RFX3: variants seen among roughly 807,000 people sequenced by gnomAD.
RFX3 encodes regulatory factor X3.
In RFX3, 14 loss-of-function variants were observed where a neutral mutation model predicts 98.6. That is an observed-to-expected ratio of 0.14 (90% CI 0.09 to 0.22). The LOEUF is 0.22. RFX3 is among the 10% of genes least tolerant of loss of function. The pLI is 1.00. For missense variants in RFX3, 639 were observed against 926.9 expected, an observed-to-expected ratio of 0.69 and a Z score of 4.03; for synonymous variants, 383 against 328.4, an observed-to-expected ratio of 1.17 and a Z score of -1.80.
chr9:3,506,699 TAGAGA>T (rs1034784815), intron 1 of RFX3, among the ~76,000 whole-genome samples: 7 of 151,654 alleles, frequency 4.6e-5, no homozygotes, highest in African/African-American at 1.7e-4. Context: ...ATTTCACATA[TAGAGA>T]AATGTATATA....
chr9:3,418,719 G>A (rs1401381140), intron 1 of RFX3, among the ~76,000 whole-genome samples: 4 of 152,024 alleles, frequency 2.6e-5, no homozygotes, highest in Non-Finnish European at 4.4e-5. Flanking sequence ...TAATTTAAAC[G>A]TTTTAAATTA....
At chr9:3,265,762 G>A (rs971921416) in intron 12 of RFX3, among the ~76,000 whole-genome samples, 3 of 151,964 alleles carry the variant, frequency 2.0e-5, no homozygotes, top group African/African-American at 7.3e-5. Context: ...TCCTGAAAAA[G>A]CAAAACAATA....
At chr9:3,524,514 A>T (rs1819019047) in intron 1 of RFX3, 2 of 983,172 alleles carry the variant, frequency 2.0e-6, no homozygotes, top group South Asian at 9.4e-5. Context: ...ATTCTTTATG[A>T]ACTTGACTTG....
At chr9:3,262,911 A>ATCTTTCCT in intron 13 of RFX3, 24 bp downstream of exon 13, 2 of 1,609,518 alleles carry the variant, frequency 1.2e-6, no homozygotes, top group Non-Finnish European at 1.7e-6. Context: ...CTTAAGAGAC[A>ATCTTTCCT]TGCTTTGCAA....
intron 3 of RFX3, among the ~76,000 whole-genome samples, chr9:3,332,167 A>G (rs907027961): frequency 6.6e-6 from 1 of 152,180 alleles, no homozygotes; most frequent in Non-Finnish European, 1.5e-5. Flanking sequence ...TCTCTATTAT[A>G]CAGGCTGAGA....
intron 15 of RFX3, among the ~76,000 whole-genome samples, chr9:3,232,438 C>T (rs1329096957): frequency 6.6e-6 from 1 of 152,318 alleles, no homozygotes; most frequent in African/African-American, 2.4e-5. Context: ...GCACCCACCA[C>T]AACCTGCCGA....
chr9:3,360,405 A>G (rs1331533596), intron 2 of RFX3, among the ~76,000 whole-genome samples: 1 of 152,140 alleles, frequency 6.6e-6, no homozygotes, highest in Admixed American at 6.6e-5. Context: ...CAGGTTTAAA[A>G]TGACCTTGAG....
intron 2 of RFX3, among the ~76,000 whole-genome samples, chr9:3,386,960 C>T (rs528385603): frequency 6.6e-6 from 1 of 152,270 alleles, no homozygotes; most frequent in East Asian, 1.9e-4. Context: ...TGCAAAGAGG[C>T]TCTTGTGCAA....
chr9:3,406,890 G>T (rs1842021621), intron 1 of RFX3, among the ~76,000 whole-genome samples: 1 of 152,018 alleles, frequency 6.6e-6, no homozygotes, highest in Admixed American at 6.6e-5. Context: ...TTAAAATAAA[G>T]AAACAAGATA....
chr9:3,430,513 A>C (rs1844560079), intron 1 of RFX3, among the ~76,000 whole-genome samples: 1 of 152,214 alleles, frequency 6.6e-6, no homozygotes, highest in African/African-American at 2.4e-5. Context: ...GCACTTGGTA[A>C]AATTTTTTTA....
chr9:3,236,054 T>A (rs1819114924), intron 15 of RFX3, among the ~76,000 whole-genome samples: 1 of 152,226 alleles, frequency 6.6e-6, no homozygotes, highest in South Asian at 2.1e-4. Context: ...CCGATTAAGC[T>A]ATTTGGGACA....
chr9:3,469,061 C>A, intron 1 of RFX3: 2 of 366,872 alleles, frequency 5.5e-6, no homozygotes, highest in South Asian at 2.1e-5. Context: ...CAGATAAATT[C>A]ATTAAAAAAA....
At chr9:3,348,415 T>A (rs891888057) in intron 2 of RFX3, among the ~76,000 whole-genome samples, 3 of 151,860 alleles carry the variant, frequency 2.0e-5, no homozygotes, top group African/African-American at 7.2e-5. Context: ...CTGCTCCCTA[T>A]CCACGTTTCG....
intron 2 of RFX3, among the ~76,000 whole-genome samples, chr9:3,383,150 A>G (rs1325644451): frequency 6.6e-6 from 1 of 152,132 alleles, no homozygotes; most frequent in Admixed American, 6.6e-5. Context: ...CATGGATTTT[A>G]TCATTTTTCC....
chr9:3,417,261 T>C (rs1843063672), intron 1 of RFX3, among the ~76,000 whole-genome samples: 1 of 152,062 alleles, frequency 6.6e-6, no homozygotes, highest in African/African-American at 2.4e-5. Flanking sequence ...GATGGATATT[T>C]TATACCCCTT....
rs370115328 is a variant in RFX3 at position 3,444,975 on chromosome 9, G to C, written c.-8-49379C>G. On this transcript the variant is annotated intron_variant, in intron 1 of 16. Coordinates refer to ENST00000617270, the MANE Select transcript of RFX3 (RefSeq NM_001282116.2). ...GGATAGGAGACAGACAGTACTTCCT[G>C]ATCTTTAATGCCACTTATTAGGAAA... Among the ~76,000 whole-genome samples the C allele has an allele frequency of 5.3e-5, 8 of 152,260 alleles. No homozygotes were observed. In the East Asian group the frequency reaches 9.6e-4, roughly 18 times the overall value.
chr9:3,481,536 T>C (rs1338793598), intron 1 of RFX3, among the ~76,000 whole-genome samples: 2 of 151,734 alleles, frequency 1.3e-5, no homozygotes, highest in Admixed American at 6.6e-5. Context: ...TTTTGAATTA[T>C]AATGATCATG....
chr9:3,476,753 G>A (rs1190834091), intron 1 of RFX3, among the ~76,000 whole-genome samples: 2 of 152,106 alleles, frequency 1.3e-5, no homozygotes, highest in Admixed American at 1.3e-4. Context: ...AAACAAAAAC[G>A]CATTTATTGG....
rs539514086 is a variant in RFX3, at chr9:3,424,403, C to T, written c.-8-28807G>A. Among the ~76,000 whole-genome samples, 38 of 130,592 alleles carry T rather than the reference C, an allele frequency of 2.9e-4. No individual in the cohort carries two copies. The South Asian group carries it at 8.8e-3, about 30-fold the overall frequency. 85.7% of individuals were successfully genotyped at this position (130,592 alleles called of 152,430 possible). On this transcript the variant is annotated intron_variant, in intron 1 of 16. Transcript: ENST00000617270. ...TTGAGACGGAGTCTCGCTCTGTCGC[C>T]CAGGCTGGAGTGCAGTGGCGCGATC...
Sources: allele counts gnomAD v4.1 joint callset (sites outside exome capture counted in the v4.1 genomes callset), GRCh38; gene constraint gnomAD v4.1.1; transcripts MANE v1.5; gene names NCBI Gene and HGNC (gene_info 2026-07-23, HGNC 2026-07-21).